Variants in CFAP43 observed in about 807,000 individuals in gnomAD.
The protein encoded by CFAP43 is cilia and flagella associated protein 43.
A neutral mutation model predicts 218.9 loss-of-function variants in CFAP43; 155 were observed. That is an observed-to-expected ratio of 0.71 (90% confidence interval 0.62 to 0.81). The LOEUF (loss-of-function observed/expected upper bound fraction) is 0.81, where lower values mean the gene tolerates loss of function less well. Among genes scored for constraint, CFAP43 ranks in the 30% least tolerant of loss-of-function variants. The probability of loss-of-function intolerance (pLI) is 0.00; values close to 1 mark genes in which losing one functional copy is unlikely to be tolerated. For synonymous variants in CFAP43, 645 were observed against 681.3 expected (o/e 0.95, Z 0.83); for missense variants, 1,778 against 1,954.3 (o/e 0.91, Z 1.70).
In CFAP43 at chr10:104,232,340, A is replaced by G. The variant is rs1436764901; in HGVS notation, c.-94T>C. 3.1e-6 allele frequency: 4 copies of G among 1,288,450 alleles called. No homozygotes were observed. Among genetic ancestry groups the G allele is most frequent in the Non-Finnish European group, 3.1e-6 (3 of 962,610 alleles). The allele number at this position is 1,288,450 out of a possible 1,614,324, so 79.8% of individuals were successfully genotyped here. ...CGCCGCCGCGGGGCTGCGGGCCGCG[A>G]CGCCGCTGCTGTGTACACCCGTATC... On this transcript the variant is annotated 5_prime_UTR_variant, in exon 1 of 38. Coordinates refer to ENST00000357060, the MANE Select transcript of CFAP43 (RefSeq NM_025145.7).
At chr10:104,201,092 G>A (rs1164686057) in intron 8 of CFAP43, among the ~76,000 whole-genome samples, 1 of 152,120 alleles carries the variant, frequency 6.6e-6, no homozygotes, top group Non-Finnish European at 1.5e-5. Flanking sequence ...TCAATGCTTT[G>A]TTTCTCCTTG....
Position 104,167,659 on chromosome 10 carries a change from C to T in CFAP43, c.2770G>A (p.Val924Ile). 6.2e-7 allele frequency: 1 copy of T among 1,612,408 alleles called. No homozygotes were observed. Among genetic ancestry groups the T allele is most frequent in the Non-Finnish European group, 8.5e-7 (1 of 1,179,570 alleles). ...GCTTCAATCTTCTTTTGCTGTAAAA[C>T]TCTTTCCAATTCTTTCAGCTCTTCA... Reference protein sequence around the residue: ...TVEELKELERVLQQKKIEAEC... With the variant: ...TVEELKELERILQQKKIEAEC... The change falls in exon 22 of 38, where the codon GTT (valine) becomes ATT (isoleucine). Residue 924 changes from valine (V) to isoleucine (I), a missense_variant. Coordinates refer to ENST00000357060, the MANE Select transcript of CFAP43 (RefSeq NM_025145.7).
intron 8 of CFAP43, among the ~76,000 whole-genome samples, chr10:104,198,456 T>C (rs1057306203): frequency 2.6e-5 from 4 of 150,984 alleles, no homozygotes; most frequent in African/African-American, 4.9e-5. Flanking sequence ...TAATTTTGTA[T>C]TCTTACTAGA....
At chr10:104,226,424 C>G (rs924818963) in intron 2 of CFAP43, among the ~76,000 whole-genome samples, 1 of 152,136 alleles carries the variant, frequency 6.6e-6, no homozygotes, top group African/African-American at 2.4e-5. Context: ...TGAGCATTCA[C>G]TACAAAAACT....
At position 104,130,116 on chromosome 10, in the gene CFAP43, CT is replaced by C; in HGVS notation, c.*22del. ...TGATTTTTTAAATGATTGATTTGGCCTTGTGTTTTCCTGCCAGCGTTTTTAC... is the reference window on the plus strand; with the variant it reads ...TGATTTTTTAAATGATTGATTTGGCCTGTGTTTTCCTGCCAGCGTTTTTAC... On this transcript the variant is annotated 3_prime_UTR_variant, in exon 38 of 38. Coordinates refer to ENST00000357060, the MANE Select transcript of CFAP43 (RefSeq NM_025145.7). 2.6e-5 allele frequency: 41 copies of C among 1,561,408 alleles called. No individual in the cohort carries two copies. Among genetic ancestry groups the C allele is most frequent in the Non-Finnish European group, 3.5e-5 (41 of 1,159,734 alleles).
chr10:104,153,215 A>C (rs933029657), intron 27 of CFAP43, among the ~76,000 whole-genome samples: 4 of 152,184 alleles, frequency 2.6e-5, no homozygotes, highest in African/African-American at 9.6e-5. Context: ...GTCTCTCCAA[A>C]CAGTTCTATA....
chr10:104,214,113 G>C (rs2090944541), intron 4 of CFAP43, 146 bp downstream of exon 4: 1 of 673,150 alleles, frequency 1.5e-6, no homozygotes, highest in Non-Finnish European at 2.2e-6. Context: ...GTTATAACAA[G>C]ATAAGCTGAA....
intron 20 of CFAP43, among the ~76,000 whole-genome samples, chr10:104,171,046 C>A (rs909708441): frequency 1.3e-5 from 2 of 152,168 alleles, no homozygotes; most frequent in Non-Finnish European, 2.9e-5. Context: ...CCCTTTAGTT[C>A]TCAACTGAAA....
chr10:104,224,339 G>C (rs1452637050), intron 3 of CFAP43, among the ~76,000 whole-genome samples: 2 of 151,890 alleles, frequency 1.3e-5, no homozygotes, highest in East Asian at 1.9e-4. Flanking sequence ...CACAGCGCCT[G>C]GCCGATGGAT....
chr10:104,186,479 T>C (rs77913674), intron 14 of CFAP43, among the ~76,000 whole-genome samples: 1 of 152,194 alleles, frequency 6.6e-6, no homozygotes, highest in African/African-American at 2.4e-5. Flanking sequence ...GTATGTTTCA[T>C]GCATTCCTAC....
intron 34 of CFAP43, among the ~76,000 whole-genome samples, chr10:104,137,728 G>C (rs559039388): frequency 5.5e-4 from 84 of 152,272 alleles, no homozygotes; most frequent in African/African-American, 2.0e-3. Flanking sequence ...TTCAGTCTGG[G>C]AGGCGGAGGC....
intron 34 of CFAP43, among the ~76,000 whole-genome samples, chr10:104,137,745 GA>G (rs2087518415): frequency 6.6e-6 from 1 of 152,136 alleles, no homozygotes; most frequent in Non-Finnish European, 1.5e-5. Context: ...AGGCTGCAGT[GA>G]GCTGAGATCA....
intron 19 of CFAP43, among the ~76,000 whole-genome samples, chr10:104,174,956 G>A (rs951940086): frequency 6.6e-6 from 1 of 151,996 alleles, no homozygotes; most frequent in Non-Finnish European, 1.5e-5. Flanking sequence ...TCGGGAGGCT[G>A]AGGCAGGAGA....
At position 104,164,280 on chromosome 10, in the gene CFAP43, T is replaced by A; in HGVS notation, c.3060A>T (p.Lys1020Asn). 6.2e-7 allele frequency: 1 copy of A among 1,603,942 alleles called. No homozygotes were observed. The highest frequency in any genetic ancestry group is 8.5e-7 in the Non-Finnish European group (1 of 1,173,718). Reference sequence around the variant, plus strand: ...CGTCAAACTCATTATTGAAAACAGTTTTTACCTTGTAAATGATATCCTGAA... The same window carrying A: ...CGTCAAACTCATTATTGAAAACAGTATTTACCTTGTAAATGATATCCTGAA... ...ILLKDIIYKV[K>N]TVFNNEFDAA... Residue 1020 changes from lysine (K) to asparagine (N), a missense_variant, in exon 24 of 38, where the codon AAA becomes AAT. Around this residue, in one of 3 missense-constraint regions of CFAP43, gnomAD observed 1,553 missense variants for 1,685.2 expected, o/e 0.92. Transcript: ENST00000357060.
chr10:104,194,118 G>A, intron 10 of CFAP43, 104 bp from the exon 11 acceptor site: 1 of 1,395,422 alleles, frequency 7.2e-7, no homozygotes, highest in Non-Finnish European at 9.7e-7. Flanking sequence ...GATGAGAAAA[G>A]TGGCAAGTGT....
chr10:104,206,755 C>T (rs1271990756), intron 6 of CFAP43, among the ~76,000 whole-genome samples: 1 of 151,704 alleles, frequency 6.6e-6, no homozygotes, highest in Admixed American at 6.6e-5. Flanking sequence ...CCAGGGTCTA[C>T]ATCTACTGCT....
At chr10:104,183,193 G>T (rs555461483) in intron 16 of CFAP43, among the ~76,000 whole-genome samples, 1 of 152,150 alleles carries the variant, frequency 6.6e-6, no homozygotes, top group African/African-American at 2.4e-5. Context: ...TCACTGGGAG[G>T]GTTTAAAAAC....
At chr10:104,222,153 T>C (rs2091198544) in intron 3 of CFAP43, among the ~76,000 whole-genome samples, 1 of 152,240 alleles carries the variant, frequency 6.6e-6, no homozygotes, top group Non-Finnish European at 1.5e-5. Flanking sequence ...GGGCTCCTCC[T>C]GGTCTGACTT....
At chr10:104,132,679 A>G (rs2087254486) in intron 35 of CFAP43, 1 of 985,426 alleles carries the variant, frequency 1.0e-6, no homozygotes, top group Middle Eastern at 5.2e-4. Context: ...TTAGCCATCA[A>G]TACATTCATG....
Sources: gnomAD v4.1 joint callset for allele counts (sites outside exome capture counted in the v4.1 genomes callset) on GRCh38, gnomAD v4.1.1 for gene constraint, gnomAD v4.1.1 regional missense constraint, MANE v1.5 for transcripts, NCBI Gene and HGNC (gene_info 2026-07-23, HGNC 2026-07-21) for gene names.